The following C11orf65 variants were observed in gnomAD, a reference collection of about 807,000 sequenced individuals.
C11orf65 encodes chromosome 11 open reading frame 65.
A neutral mutation model predicts 35.3 loss-of-function variants in C11orf65; 38 were observed. That is an observed-to-expected ratio of 1.08 (90% CI 0.83 to 1.41). C11orf65 has a LOEUF of 1.41. Among genes scored for constraint, C11orf65 ranks in the 40% most tolerant of loss-of-function variants. C11orf65 has a pLI of 0.00. For synonymous variants in C11orf65, 105 were observed against 114.4 expected, an observed-to-expected ratio of 0.92 and a Z score of 0.53; for missense variants, 370 against 367.1, an observed-to-expected ratio of 1.01 and a Z score of -0.06.
At chr11:108,439,175 T>C (rs1023626123) in intron 2 of C11orf65, among the ~76,000 whole-genome samples, 1 of 152,186 alleles carries the variant, frequency 6.6e-6, no homozygotes, top group African/African-American at 2.4e-5. Context: ...GGCAAAGGTC[T>C]TGAATATATA....
At chr11:108,405,402 T>G in intron 6 of C11orf65, 27 bp downstream of exon 6, 1 of 1,605,380 alleles carries the variant, frequency 6.2e-7, no homozygotes, top group Non-Finnish European at 8.5e-7. Context: ...ACTACGTATT[T>G]CCTTAGTAAG....
In C11orf65 at chr11:108,467,501, TC is replaced by T. The variant is rs2093555487; in HGVS notation, c.-41del. 2.0e-5 allele frequency: 3 copies of T among 152,474 alleles called. No homozygotes were observed. In the East Asian group the frequency reaches 5.8e-4, roughly 29 times the overall value. The allele number at this position is 152,474 out of a possible 1,614,324, so 9.4% of individuals were successfully genotyped here. On this transcript the variant is annotated 5_prime_UTR_variant, in exon 1 of 9. Transcript: ENST00000393084. ...GCTGCTGGCCCGGGCGCCGCTGGAC[TC>T]CTAGGTAACGTCGCAGGCGGAAATG...
intron 2 of C11orf65, among the ~76,000 whole-genome samples, chr11:108,460,967 C>T (rs1417561439): frequency 2.0e-5 from 3 of 152,060 alleles, no homozygotes; most frequent in East Asian, 1.9e-4. Context: ...TCAGATGATC[C>T]GCCTGCCTCA....
Position 108,375,130 on chromosome 11 carries a change from C to G in C11orf65, c.226+18078G>C, listed in dbSNP as rs548929008. Among the ~76,000 whole-genome samples, 102 of 152,136 alleles carry G rather than the reference C, an allele frequency of 6.7e-4. 2 individuals are homozygous for G. In the South Asian group the frequency reaches 0.02, roughly 29 times the overall value. Reference sequence around the variant, plus strand: ...GGCCAACGTTCAGGTTCAGGAAATACAGAGAACGCCACAAAGATACTCCTC... The same window carrying G: ...GGCCAACGTTCAGGTTCAGGAAATAGAGAGAACGCCACAAAGATACTCCTC... On this transcript the variant is annotated intron_variant, in intron 2 of 3. Transcript: ENST00000524755.
At chr11:108,327,369 A>G (rs1445908588), downstream of C11orf65, 2 of 370,862 alleles carry the variant, frequency 5.4e-6, no homozygotes, top group East Asian at 5.9e-5. Flanking sequence ...ATGAGTTAAT[A>G]TATATAAAGC....
At chr11:108,334,903 T>C (rs2136646676) in intron 3 of C11orf65, 3 of 1,525,312 alleles carry the variant, frequency 2.0e-6, no homozygotes, top group Non-Finnish European at 2.7e-6. Flanking sequence ...CCATTTATAA[T>C]GTATTTTTCT....
chr11:108,361,751 A>C (rs1321808228), intron 2 of C11orf65, among the ~76,000 whole-genome samples: 16 of 152,210 alleles, frequency 1.1e-4, no homozygotes, highest in Admixed American at 6.5e-4. Context: ...CCATATGGAG[A>C]AAGCTGAAAC....
downstream of C11orf65, among the ~76,000 whole-genome samples, chr11:108,380,629 A>G (rs2138231849): frequency 6.6e-6 from 1 of 152,318 alleles, no homozygotes; most frequent in South Asian, 2.1e-4. Flanking sequence ...CATGGATGGA[A>G]GCCAAGCGCC....
chr11:108,345,717 T>C, intron 2 of C11orf65: 4 of 1,485,500 alleles, frequency 2.7e-6, no homozygotes, highest in Non-Finnish European at 3.7e-6. Context: ...TATTGAAAAA[T>C]AATTATATAT....
chr11:108,410,595 T>A (rs11212616), intron 3 of C11orf65, among the ~76,000 whole-genome samples: 76,088 of 151,960 alleles, frequency 0.5, 20,379 homozygotes, highest in Middle Eastern at 0.72. Flanking sequence ...GCTCAAGTGA[T>A]CTGTGCACCT....
intron 3 of C11orf65, among the ~76,000 whole-genome samples, chr11:108,410,652 C>T (rs1425468961): frequency 6.6e-6 from 1 of 151,828 alleles, no homozygotes; most frequent in African/African-American, 2.4e-5. Flanking sequence ...ACCCTGCCAG[C>T]CACTTCTACT....
chr11:108,423,618 A>G (rs1323798826), intron 3 of C11orf65, among the ~76,000 whole-genome samples: 2 of 152,146 alleles, frequency 1.3e-5, no homozygotes, highest in Non-Finnish European at 1.5e-5. Flanking sequence ...TGACTGGGAG[A>G]CATCTCCCAG....
At chr11:108,366,857 C>T in intron 2 of C11orf65, 1 of 229,682 alleles carries the variant, frequency 4.4e-6, no homozygotes, top group Non-Finnish European at 8.6e-6. Context: ...CCACTGCCTG[C>T]CTTTGGCAAG....
intron 8 of C11orf65, among the ~76,000 whole-genome samples, chr11:108,383,863 T>C (rs908534800): frequency 8.0e-6 from 1 of 125,448 alleles, no homozygotes; most frequent in Non-Finnish European, 1.6e-5. Flanking sequence ...GTAACTTATA[T>C]TGTTTCCTTT....
Position 108,331,435 on chromosome 11 carries a change from TA to T in C11orf65, c.*114del, listed in dbSNP as rs1591166840. ...GTTTCTTAATTTTGTGTCTTTTTTT[TA>T]ATGGTAGAGAGACGGAATGAAGATT... On this transcript the variant is annotated 3_prime_UTR_variant, in exon 4 of 4. Transcript: ENST00000524755. 6.2e-7 allele frequency: 1 copy of T among 1,611,562 alleles called. No individual in the cohort carries two copies. The highest frequency in any genetic ancestry group is 8.5e-7 in the Non-Finnish European group (1 of 1,178,916).
intron 2 of C11orf65, among the ~76,000 whole-genome samples, chr11:108,447,193 A>T (rs2093275836): frequency 6.6e-6 from 1 of 152,160 alleles, no homozygotes; most frequent in South Asian, 2.1e-4. Context: ...GGGAGACTTT[A>T]ACACCCCACT....
At chr11:108,337,717 G>A (rs1335944910) in intron 2 of C11orf65, among the ~76,000 whole-genome samples, 1 of 152,204 alleles carries the variant, frequency 6.6e-6, no homozygotes, top group African/African-American at 2.4e-5. Flanking sequence ...TGTAGAGATT[G>A]CTAAGAAGTT....
chr11:108,348,315 A>T (rs1230989969), intron 2 of C11orf65, among the ~76,000 whole-genome samples: 1 of 151,782 alleles, frequency 6.6e-6, no homozygotes, highest in Non-Finnish European at 1.5e-5. Context: ...TGATGAATTT[A>T]GTTTTGCTCA....
At chr11:108,377,144 T>A (rs1435544512) in intron 2 of C11orf65, among the ~76,000 whole-genome samples, 1 of 151,192 alleles carries the variant, frequency 6.6e-6, no homozygotes, top group African/African-American at 2.4e-5. Flanking sequence ...GCCAGCATCA[T>A]CCTGATACCA....
Sources: gnomAD v4.1 joint callset for allele counts (sites outside exome capture counted in the v4.1 genomes callset) on GRCh38, gnomAD v4.1.1 for gene constraint, MANE v1.5 for transcripts, NCBI Gene and HGNC (gene_info 2026-07-23, HGNC 2026-07-21) for gene names.